ADIPOR2: variants seen among roughly 807,000 people sequenced by gnomAD.
ADIPOR2 encodes the protein adiponectin receptor 2.
Under a neutral mutation model 40.9 loss-of-function variants are expected in ADIPOR2, and 18 were observed. The observed-to-expected ratio is 0.44, with a 90% CI of 0.30 to 0.65. The LOEUF is 0.65. Among genes scored for constraint, ADIPOR2 ranks in the 30% least tolerant of loss-of-function variants. The probability of loss-of-function intolerance (pLI) is 0.09; values close to 1 mark genes in which losing one functional copy is unlikely to be tolerated. For missense variants in ADIPOR2, 283 were observed against 479.2 expected (o/e 0.59, Z 3.82); for synonymous variants, 165 against 166.4 (o/e 0.99, Z 0.06).
At chr12:1,718,692 T>C (rs142216205) in intron 1 of ADIPOR2, among the ~76,000 whole-genome samples, 47 of 152,336 alleles carry the variant, frequency 3.1e-4, no homozygotes, top group African/African-American at 1.0e-3. Flanking sequence ...TTTATCACTT[T>C]GGGAAGATTC....
At chr12:1,763,535 A>G (rs1354167667) in intron 2 of ADIPOR2, among the ~76,000 whole-genome samples, 1 of 152,236 alleles carries the variant, frequency 6.6e-6, no homozygotes, top group Non-Finnish European at 1.5e-5. Context: ...TGTCAAAAAG[A>G]AAAGACTTCC....
chr12:1,711,820 C>T (rs78182236), intron 1 of ADIPOR2, among the ~76,000 whole-genome samples: 1 of 152,038 alleles, frequency 6.6e-6, no homozygotes. Context: ...CTGCCACCTC[C>T]TTGGGTTTTT....
At chr12:1,699,429 C>T (rs2094645722) in intron 1 of ADIPOR2, among the ~76,000 whole-genome samples, 1 of 152,094 alleles carries the variant, frequency 6.6e-6, no homozygotes, top group South Asian at 2.1e-4. Context: ...ACCAGCCTGG[C>T]CAACATGGCG....
chr12:1,785,913 C>T (rs777883690), intron 7 of ADIPOR2, 31 bp from the exon 8 acceptor site: 7 of 1,612,020 alleles, frequency 4.3e-6, no homozygotes, highest in East Asian at 4.5e-5. Flanking sequence ...ATGGGTTTCT[C>T]TACCCCCTTC....
chr12:1,785,166 C>T (rs141580134), intron 7 of ADIPOR2, among the ~76,000 whole-genome samples: 21 of 152,282 alleles, frequency 1.4e-4, no homozygotes, highest in African/African-American at 5.1e-4. Flanking sequence ...TACTGCTTTG[C>T]CACTGTACTT....
chr12:1,699,517 G>A (rs779747758), intron 1 of ADIPOR2, among the ~76,000 whole-genome samples: 2 of 152,144 alleles, frequency 1.3e-5, no homozygotes, highest in Non-Finnish European at 2.9e-5. Flanking sequence ...CAGGCATCAT[G>A]GCCACTGCCT....
intron 1 of ADIPOR2, among the ~76,000 whole-genome samples, chr12:1,706,168 C>G (rs533239935): frequency 1.4e-5 from 2 of 145,074 alleles, no homozygotes; most frequent in Non-Finnish European, 3.0e-5. Flanking sequence ...CTGTTTTGTA[C>G]GTTGTGTAAC....
intron 1 of ADIPOR2, among the ~76,000 whole-genome samples, chr12:1,742,156 G>A (rs974538014): frequency 3.3e-5 from 5 of 152,130 alleles, no homozygotes; most frequent in Admixed American, 6.5e-5. Flanking sequence ...GCAGTGGTGC[G>A]ATCACAGCTG....
chr12:1,711,629 TC>T (rs1180539798), intron 1 of ADIPOR2, among the ~76,000 whole-genome samples: 7 of 143,784 alleles, frequency 4.9e-5, no homozygotes, highest in African/African-American at 1.2e-4. Flanking sequence ...TCTCTCTCTC[TC>T]TCTCTCTCTC....
chr12:1,729,696 G>A (rs961757865), intron 1 of ADIPOR2, among the ~76,000 whole-genome samples: 2 of 124,322 alleles, frequency 1.6e-5, no homozygotes, highest in Non-Finnish European at 3.2e-5. Context: ...CCTAATAGTT[G>A]GCATCAGTTA....
intron 1 of ADIPOR2, among the ~76,000 whole-genome samples, chr12:1,717,762 A>C (rs886643800): frequency 6.6e-6 from 1 of 152,132 alleles, no homozygotes; most frequent in Non-Finnish European, 1.5e-5. Context: ...CAAGTTGACT[A>C]TGTAGGCTTT....
intron 2 of ADIPOR2, chr12:1,757,465 C>T (rs1862158472): frequency 2.8e-6 from 2 of 724,708 alleles, no homozygotes; most frequent in Non-Finnish European, 2.6e-6. Flanking sequence ...CCCAGGTTAG[C>T]ACCTACAGTC....
intron 1 of ADIPOR2, among the ~76,000 whole-genome samples, chr12:1,728,935 A>G (rs1037582561): frequency 6.7e-6 from 1 of 149,562 alleles, no homozygotes; most frequent in Non-Finnish European, 1.5e-5. Context: ...GCCAGTTCCA[A>G]ATACTTTTCC....
intron 1 of ADIPOR2, among the ~76,000 whole-genome samples, chr12:1,746,733 A>G (rs142038924): frequency 4.1e-4 from 62 of 152,348 alleles, no homozygotes; most frequent in African/African-American, 1.5e-3. Context: ...TAGTCTAGTT[A>G]GAAGTAGAGT....
intron 1 of ADIPOR2, among the ~76,000 whole-genome samples, chr12:1,713,982 T>C (rs987050121): frequency 6.6e-6 from 1 of 152,096 alleles, no homozygotes; most frequent in African/African-American, 2.4e-5. Context: ...GGTGATGACA[T>C]GAGCTGGCGC....
chr12:1,694,872 A>ATTCCC (rs59461664), intron 1 of ADIPOR2, among the ~76,000 whole-genome samples: 6,347 of 151,242 alleles, frequency 0.042, 193 homozygotes, highest in East Asian at 0.12. Context: ...AAGTTCCCAT[A>ATTCCC]TTCCCTTCCC....
chr12:1,695,188 AT>A (rs2094635911), intron 1 of ADIPOR2, among the ~76,000 whole-genome samples: 1 of 151,760 alleles, frequency 6.6e-6, no homozygotes. Context: ...GCCGAGAGTT[AT>A]TTTTTACAAA....
At chr12:1,758,680 G>C (rs1039487755) in intron 2 of ADIPOR2, among the ~76,000 whole-genome samples, 4 of 152,122 alleles carry the variant, frequency 2.6e-5, no homozygotes, top group Non-Finnish European at 5.9e-5. Context: ...GCAAAATATT[G>C]ATATCTTCAC....
At chr12:1,732,911 G>GT (rs1249424523) in intron 1 of ADIPOR2, among the ~76,000 whole-genome samples, 1 of 152,030 alleles carries the variant, frequency 6.6e-6, no homozygotes, top group Non-Finnish European at 1.5e-5. Flanking sequence ...TGTGTGTGTA[G>GT]TTTTTCCCTT....
Sources: allele counts gnomAD v4.1 joint callset (sites outside exome capture counted in the v4.1 genomes callset), GRCh38; gene constraint gnomAD v4.1.1; transcripts MANE v1.5; gene names NCBI Gene and HGNC (gene_info 2026-07-23, HGNC 2026-07-21).